The following ZSWIM6 variants were observed in gnomAD, a reference collection of about 807,000 sequenced individuals.
ZSWIM6 encodes the protein zinc finger SWIM domain-containing protein 6.
Under a neutral mutation model 113.2 loss-of-function variants are expected in ZSWIM6, and 9 were observed. The observed-to-expected ratio is 0.08, with a 90% CI of 0.05 to 0.14. ZSWIM6 has a LOEUF of 0.14. Among genes scored for constraint, ZSWIM6 ranks in the 10% least tolerant of loss-of-function variants. The pLI is 1.00. For missense variants in ZSWIM6, 1,162 were observed against 1,552.2 expected (o/e 0.75, Z 4.22); for synonymous variants, 611 against 606.5 (o/e 1.01, Z -0.11).
At chr5:61,538,788 C>A in intron 10 of ZSWIM6, 26 bp from the exon 11 acceptor site, 1 of 1,534,876 alleles carries the variant, frequency 6.5e-7, no homozygotes, top group Non-Finnish European at 8.8e-7. Context: ...TAACTAGGGG[C>A]CACCTTCCTT....
rs780448236 is a variant in ZSWIM6, at chr5:61,531,519, T to A, written c.2039T>A (p.Phe680Tyr). 6.4e-7 allele frequency: 1 copy of A among 1,551,680 alleles called. No homozygotes were observed. Among genetic ancestry groups the A allele is most frequent in the Non-Finnish European group, 8.7e-7 (1 of 1,146,978 alleles). The change falls in exon 9 of 14, where the codon TTC (phenylalanine) becomes TAC (tyrosine). Residue 680 changes from phenylalanine (F) to tyrosine (Y), a missense_variant. Around this residue, in one of 4 missense-constraint regions of ZSWIM6, gnomAD observed 620 missense variants for 804.6 expected, o/e 0.77. Transcript: ENST00000252744. ...TACCAGCATCTACCTGCACACAAAT[T>A]CTTAGAAGAAGGGGAATCCTATTTA... ...LEYQHLPAHKFLEEGESYLTL... is the reference protein window; with the variant it reads ...LEYQHLPAHKYLEEGESYLTL...
At chr5:61,393,942 A>G (rs1422463773) in intron 1 of ZSWIM6, among the ~76,000 whole-genome samples, 1 of 152,160 alleles carries the variant, frequency 6.6e-6, no homozygotes, top group Non-Finnish European at 1.5e-5. Flanking sequence ...TGATGTATAA[A>G]ATAGAAGCAA....
Position 61,505,706 on chromosome 5 carries a change from CCCTTCCTT to C in ZSWIM6, c.1333+11311_1333+11318del, listed in dbSNP as rs1227841516. ...TGCCTCCCTCCCTCCCTTCCTTCCT[CCCTTCCTT>C]CCTTCCTTCCTTCCCTCTCTCTCTC... On this transcript the variant is annotated intron_variant, in intron 4 of 13. Transcript: ENST00000252744. Among the ~76,000 whole-genome samples, 42 of 103,898 alleles carry C rather than the reference CCCTTCCTT, an allele frequency of 4.0e-4. 2 individuals are homozygous for C. Among genetic ancestry groups the C allele is most frequent in the African/African-American group, 7.1e-4 (18 of 25,504 alleles). The allele number at this position is 103,898 out of a possible 152,430, so 68.2% of individuals were successfully genotyped here.
intron 4 of ZSWIM6, among the ~76,000 whole-genome samples, chr5:61,505,207 A>G (rs781693491): frequency 1.3e-5 from 2 of 152,236 alleles, no homozygotes; most frequent in African/African-American, 4.8e-5. Context: ...TGCAGAACAC[A>G]TGGAAAATGT....
intron 1 of ZSWIM6, among the ~76,000 whole-genome samples, chr5:61,381,299 T>TG (rs1353787849): frequency 1.1e-4 from 17 of 152,230 alleles, no homozygotes; most frequent in African/African-American, 3.9e-4. Context: ...CCAGGTGTGG[T>TG]GGTGAGCGCC....
chr5:61,521,213 A>G (rs1749112627), intron 4 of ZSWIM6, 50 bp from the exon 5 acceptor site: 6 of 1,116,726 alleles, frequency 5.4e-6, no homozygotes, highest in Non-Finnish European at 6.9e-6. Context: ...ATAAAATTGG[A>G]TGTTTTTATA....
intron 1 of ZSWIM6, among the ~76,000 whole-genome samples, chr5:61,378,705 G>A (rs974881601): frequency 1.4e-4 from 21 of 152,130 alleles, no homozygotes; most frequent in East Asian, 3.9e-4. Flanking sequence ...ACAGGCATGC[G>A]CCACCACGCC....
chr5:61,470,704 C>A (rs572144166), intron 1 of ZSWIM6, among the ~76,000 whole-genome samples: 10 of 151,594 alleles, frequency 6.6e-5, no homozygotes, highest in Middle Eastern at 3.4e-3. Context: ...GAAAAAAAAA[C>A]CAAAGATTAT....
intron 11 of ZSWIM6, 143 bp from the exon 12 acceptor site, chr5:61,539,453 A>G: frequency 2.1e-6 from 2 of 948,184 alleles, no homozygotes; most frequent in Non-Finnish European, 3.0e-6. Context: ...TGAACATGTT[A>G]GGTAAATTAA....
chr5:61,520,967 A>G (rs1349210305), intron 4 of ZSWIM6, among the ~76,000 whole-genome samples: 2 of 152,064 alleles, frequency 1.3e-5, no homozygotes. Context: ...TTATTATGTA[A>G]GAGTATTTGG....
chr5:61,426,288 A>G (rs1320673552), intron 1 of ZSWIM6, among the ~76,000 whole-genome samples: 1 of 152,240 alleles, frequency 6.6e-6, no homozygotes, highest in African/African-American at 2.4e-5. Context: ...AATTTATTTG[A>G]TAATAATTTC....
intron 4 of ZSWIM6, among the ~76,000 whole-genome samples, chr5:61,519,373 A>G (rs183938873): frequency 6.6e-6 from 1 of 152,128 alleles, no homozygotes; most frequent in East Asian, 1.9e-4. Context: ...TTTTTGCTGC[A>G]TGTGTCGTTT....
intron 4 of ZSWIM6, among the ~76,000 whole-genome samples, chr5:61,500,120 TATTATTATC>T (rs1748425402): frequency 1.3e-5 from 2 of 149,024 alleles, no homozygotes; most frequent in Admixed American, 6.7e-5. Flanking sequence ...TTATTATTAT[TATTATTATC>T]ATTATCATTA....
At chr5:61,523,240 G>A (rs1384043245) in intron 5 of ZSWIM6, among the ~76,000 whole-genome samples, 1 of 152,150 alleles carries the variant, frequency 6.6e-6, no homozygotes, top group East Asian at 1.9e-4. Flanking sequence ...GGCCAATAGA[G>A]TCCAGCAGCT....
At chr5:61,363,882 T>C (rs867484389) in intron 1 of ZSWIM6, among the ~76,000 whole-genome samples, 1 of 127,074 alleles carries the variant, frequency 7.9e-6, no homozygotes, top group African/African-American at 2.8e-5. Context: ...CCCTCCTTCC[T>C]TCCTTCCCTC....
chr5:61,343,216 G>T (rs1222328170), intron 1 of ZSWIM6, among the ~76,000 whole-genome samples: 1 of 152,210 alleles, frequency 6.6e-6, no homozygotes, highest in Non-Finnish European at 1.5e-5. Context: ...AGTAGAACCT[G>T]TCAGTACATT....
chr5:61,436,252 G>C (rs1191595510), intron 1 of ZSWIM6, among the ~76,000 whole-genome samples: 1 of 151,846 alleles, frequency 6.6e-6, no homozygotes, highest in Non-Finnish European at 1.5e-5. Context: ...TGAGATGTTG[G>C]TAGCAGCTTG....
intron 1 of ZSWIM6, among the ~76,000 whole-genome samples, chr5:61,359,448 TG>T (rs1213756419): frequency 1.3e-5 from 2 of 152,102 alleles, no homozygotes; most frequent in Admixed American, 1.3e-4. Flanking sequence ...TAGAATGACC[TG>T]GAAGCTGCAA....
chr5:61,354,062 TG>T (rs1313434570), intron 1 of ZSWIM6, among the ~76,000 whole-genome samples: 2 of 152,368 alleles, frequency 1.3e-5, no homozygotes, highest in South Asian at 4.1e-4. Flanking sequence ...GAAACTCTTC[TG>T]TTTGCTGATG....
Sources: gnomAD v4.1 joint callset for allele counts (sites outside exome capture counted in the v4.1 genomes callset) on GRCh38, gnomAD v4.1.1 for gene constraint, gnomAD v4.1.1 regional missense constraint, MANE v1.5 for transcripts, NCBI Gene and HGNC (gene_info 2026-07-23, HGNC 2026-07-21) for gene names.